CYP27A1: variants seen among roughly 807,000 people sequenced by gnomAD.
CYP27A1 encodes the protein sterol 26-hydroxylase, mitochondrial.
In CYP27A1, 46 loss-of-function variants were observed where a neutral mutation model predicts 58.2. That is an observed-to-expected ratio of 0.79 (90% confidence interval 0.62 to 1.01). CYP27A1 has a LOEUF of 1.01. Among genes scored for constraint, CYP27A1 ranks in the 50% least tolerant of loss-of-function variants. The probability of loss-of-function intolerance (pLI) is 0.00; values close to 1 mark genes in which losing one functional copy is unlikely to be tolerated. For missense variants in CYP27A1, 704 were observed against 687.0 expected (o/e 1.02, Z -0.28); for synonymous variants, 274 against 285.1 (o/e 0.96, Z 0.39).
At chr2:218,812,456 T>C (rs779391232) in intron 3 of CYP27A1, 35 bp downstream of exon 3, 2 of 1,612,890 alleles carry the variant, frequency 1.2e-6, no homozygotes, top group Admixed American at 1.7e-5. Context: ...GGGAAGGGAA[T>C]GGGTCAGGGA....
chr2:218,809,442 C>CTTGTT (rs1943686797), intron 1 of CYP27A1, 135 bp from the exon 2 acceptor site: 1 of 365,316 alleles, frequency 2.7e-6, no homozygotes, highest in African/African-American at 3.4e-5. Context: ...ACACAATGCC[C>CTTGTT]TTTTTTTTTT....
Position 218,814,032 on chromosome 2 carries a change from G to T in CYP27A1, c.1029G>T (p.Thr343=), listed in dbSNP as rs771343931. Residue 343 remains threonine, a synonymous_variant, in exon 6 of 9, where the codon ACG becomes ACT. Coordinates refer to ENST00000258415, the MANE Select transcript of CYP27A1 (RefSeq NM_000784.4). ...LMAGVDTTSN[T]LTWALYHLSK... ...ACTCTATCTTCTAGACATCCAACACGCTGACATGGGCCCTGTACCACCTCT... is the reference window on the plus strand; with the variant it reads ...ACTCTATCTTCTAGACATCCAACACTCTGACATGGGCCCTGTACCACCTCT... 1.9e-6 allele frequency: 3 copies of T among 1,614,098 alleles called. No individual in the cohort carries two copies. Among genetic ancestry groups the T allele is most frequent in the African/African-American group, 1.3e-5 (1 of 75,012 alleles).
intron 2 of CYP27A1, among the ~76,000 whole-genome samples, chr2:218,811,319 A>G (rs1271625576): frequency 2.0e-5 from 3 of 152,138 alleles, no homozygotes; most frequent in African/African-American, 4.8e-5. Context: ...GAGCATGCAA[A>G]TATACATGTG....
At chr2:218,791,464 T>C (rs1216332706) in intron 1 of CYP27A1, among the ~76,000 whole-genome samples, 2 of 152,170 alleles carry the variant, frequency 1.3e-5, no homozygotes, top group Non-Finnish European at 1.5e-5. Flanking sequence ...ACTTCTATTA[T>C]TCGTAGGGGC....
At chr2:218,813,812 G>A (rs1482810935) in intron 5 of CYP27A1, among the ~76,000 whole-genome samples, 1 of 151,978 alleles carries the variant, frequency 6.6e-6, no homozygotes, top group Non-Finnish European at 1.5e-5. Flanking sequence ...CTCCTCCACT[G>A]AAGGTGCGAT....
chr2:218,785,549 T>A (rs1943433498), intron 1 of CYP27A1, among the ~76,000 whole-genome samples: 1 of 151,988 alleles, frequency 6.6e-6, no homozygotes, highest in Admixed American at 6.6e-5. Context: ...TAGGATGATG[T>A]CTAGAGCAGT....
chr2:218,796,188 A>G (rs955553320), intron 1 of CYP27A1, among the ~76,000 whole-genome samples: 1 of 152,206 alleles, frequency 6.6e-6, no homozygotes, highest in African/African-American at 2.4e-5. Flanking sequence ...AAAGGGAAGC[A>G]TACCTTTCTA....
intron 1 of CYP27A1, among the ~76,000 whole-genome samples, chr2:218,798,768 A>C (rs1214291475): frequency 6.6e-6 from 1 of 152,194 alleles, no homozygotes; most frequent in East Asian, 1.9e-4. Flanking sequence ...CTGTAATCCC[A>C]GGTATTTGGG....
intron 4 of CYP27A1, 86 bp downstream of exon 4, chr2:218,812,835 C>G: frequency 6.2e-7 from 1 of 1,606,810 alleles, no homozygotes; most frequent in Non-Finnish European, 8.5e-7. Context: ...GGCCTTTTCC[C>G]TCATGCTACC....
intron 1 of CYP27A1, among the ~76,000 whole-genome samples, chr2:218,796,352 G>A (rs111376228): frequency 6.6e-6 from 1 of 152,188 alleles, no homozygotes; most frequent in Non-Finnish European, 1.5e-5. Context: ...CAGCACTTTG[G>A]GGGGCTGAGG....
rs541264041 is a variant in CYP27A1 at position 218,811,593 on chromosome 2, C to T, written c.447-629C>T. 5.9e-5 allele frequency among the ~76,000 whole-genome samples: 9 copies of T among 152,288 alleles called. No homozygotes were observed. The South Asian group carries it at 1.0e-3, about 18-fold the overall frequency. On this transcript the variant is annotated intron_variant, in intron 2 of 8. Coordinates refer to ENST00000258415, the MANE Select transcript of CYP27A1 (RefSeq NM_000784.4). ...CCAGGGAGGGGGCCTGACCATCTAC[C>T]GCATGACTGAGGCAAGAGCCTACAG...
chr2:218,813,621 G>T (rs1165387445), intron 5 of CYP27A1, among the ~76,000 whole-genome samples: 1 of 152,094 alleles, frequency 6.6e-6, no homozygotes, highest in South Asian at 2.1e-4. Flanking sequence ...GTAGAGACGG[G>T]GGTTTCACCA....
Position 218,815,206 on chromosome 2 carries a change from A to C in CYP27A1, c.*176A>C. The C allele has an allele frequency of 1.5e-6, 1 of 682,872 alleles. No individual in the cohort carries two copies. Among genetic ancestry groups the C allele is most frequent in the Non-Finnish European group, 2.5e-6 (1 of 395,716 alleles). 42.3% of individuals were successfully genotyped at this position (682,872 alleles called of 1,614,324 possible). ...TTGCCACTTCTATCATTTTTGAGCA[A>C]CTCCCTCTCAGCTAAAAGGCCACCC... is the stretch of plus-strand genomic sequence containing the variant. On this transcript the variant is annotated 3_prime_UTR_variant, in exon 9 of 9. Transcript: ENST00000258415.
At chr2:218,808,938 C>CT (rs1279115443) in intron 1 of CYP27A1, among the ~76,000 whole-genome samples, 3 of 151,848 alleles carry the variant, frequency 2.0e-5, no homozygotes, top group Admixed American at 6.6e-5. Flanking sequence ...TTTTTTATTT[C>CT]TTTTTTTGTC....
intron 3 of CYP27A1, 53 bp downstream of exon 3, chr2:218,812,474 T>G (rs1372457207): frequency 6.2e-7 from 1 of 1,603,654 alleles, no homozygotes; most frequent in Admixed American, 1.7e-5. Context: ...GGAGAGGTTG[T>G]GCTCCCTCTC....
chr2:218,795,927 G>A (rs1398203370), intron 1 of CYP27A1, among the ~76,000 whole-genome samples: 2 of 152,136 alleles, frequency 1.3e-5, no homozygotes, highest in Non-Finnish European at 2.9e-5. Context: ...TGTTCCAAAA[G>A]GAAGCTCAGA....
In CYP27A1 at chr2:218,782,312, C is replaced by T. The variant is rs923201483; in HGVS notation, c.130C>T (p.Pro44Ser). The T allele has an allele frequency of 2.5e-6, 4 of 1,610,594 alleles. No individual in the cohort carries two copies. The highest frequency in any genetic ancestry group is 8.5e-7 in the Non-Finnish European group (1 of 1,178,358). ...ALPSDKATGA[P>S]GAGPGVRRRQ... Reference sequence around the variant, plus strand: ...CCCCTCGGACAAGGCCACCGGAGCTCCCGGAGCCGGGCCTGGTGTCCGGCG... The same window carrying T: ...CCCCTCGGACAAGGCCACCGGAGCTTCCGGAGCCGGGCCTGGTGTCCGGCG... The change falls in exon 1 of 9, where the codon CCC becomes TCC. Residue 44 changes from proline to serine, a missense_variant. Coordinates refer to ENST00000258415, the MANE Select transcript of CYP27A1 (RefSeq NM_000784.4). The surrounding 1 kb of genome is among the most constrained non-coding windows in gnomAD (Gnocchi z 4.1).
At chr2:218,810,350 C>T (rs949883803) in intron 2 of CYP27A1, among the ~76,000 whole-genome samples, 1 of 152,030 alleles carries the variant, frequency 6.6e-6, no homozygotes, top group African/African-American at 2.4e-5. Flanking sequence ...TGCAGGTTTT[C>T]ACTGGGCCAG....
At chr2:218,787,079 C>T (rs1943447732) in intron 1 of CYP27A1, among the ~76,000 whole-genome samples, 1 of 152,216 alleles carries the variant, frequency 6.6e-6, no homozygotes, top group East Asian at 1.9e-4. Context: ...GCATAAATTA[C>T]TGTACCTGGC....
Sources: gnomAD v4.1 joint callset for allele counts (sites outside exome capture counted in the v4.1 genomes callset) on GRCh38, gnomAD v4.1.1 for gene constraint, Gnocchi (gnomAD v3.1) non-coding constraint, MANE v1.5 for transcripts, NCBI Gene and HGNC (gene_info 2026-07-23, HGNC 2026-07-21) for gene names.